Variants in MYLK4 observed in about 807,000 individuals in gnomAD.
MYLK4 encodes myosin light chain kinase family member 4.
MYLK4 carries 46 observed loss-of-function variants against 48.1 expected under a neutral mutation model. The ratio of observed to expected loss-of-function variants is 0.96; its 90% CI spans 0.75 to 1.22. The LOEUF is 1.22. MYLK4 is among the 50% of genes most tolerant of loss of function. MYLK4 has a pLI of 0.00. For missense variants in MYLK4, 451 were observed against 486.1 expected (o/e 0.93, Z 0.68); for synonymous variants, 170 against 180.8 (o/e 0.94, Z 0.48).
intron 12 of MYLK4, among the ~76,000 whole-genome samples, chr6:2,669,459 C>T (rs926459726): frequency 1.1e-4 from 17 of 152,240 alleles, no homozygotes; most frequent in African/African-American, 3.1e-4. Flanking sequence ...GCAGCAGGCC[C>T]GCCTTGGAAT....
chr6:2,718,663 A>T (rs1449316105), intron 2 of MYLK4, among the ~76,000 whole-genome samples: 1 of 152,198 alleles, frequency 6.6e-6, no homozygotes, highest in African/African-American at 2.4e-5. Flanking sequence ...TTTATGTATA[A>T]TATTTAATCC....
rs1441666195 is a variant in MYLK4, at chr6:2,667,011, C to T, written c.*914G>A. ...TTGAATGTTATTTCCCAAGTCACTT[C>T]AATGTTGAAAGCTCAGTGCTATCTT... On this transcript the variant is annotated 3_prime_UTR_variant, in exon 13 of 13. Transcript: ENST00000274643. The T allele has an allele frequency of 6.6e-6, 1 of 152,236 alleles. No homozygotes were observed. The highest frequency in any genetic ancestry group is 1.5e-5 in the Non-Finnish European group (1 of 68,062). The allele number at this position is 152,236 out of a possible 1,614,324, so 9.4% of individuals were successfully genotyped here.
chr6:2,675,613 T>A (rs946017112), intron 10 of MYLK4, among the ~76,000 whole-genome samples: 3 of 152,304 alleles, frequency 2.0e-5, no homozygotes, highest in Admixed American at 2.0e-4. Flanking sequence ...GATGTAATTA[T>A]TAAGAGAGGG....
the MYLK4 span, chr6:2,765,584 C>G: frequency 6.9e-7 from 1 of 1,453,920 alleles, no homozygotes; most frequent in Non-Finnish European, 9.0e-7. Context: ...GCACGGGTTG[C>G]TGCGGCCGCG....
intron 2 of MYLK4, among the ~76,000 whole-genome samples, chr6:2,730,289 G>T (rs1458578685): frequency 6.6e-6 from 1 of 152,226 alleles, no homozygotes; most frequent in Non-Finnish European, 1.5e-5. Flanking sequence ...CCCCAAGGGA[G>T]CCCCTCTTTT....
chr6:2,746,985 A>G (rs558661690), intron 2 of MYLK4, among the ~76,000 whole-genome samples: 62 of 152,332 alleles, frequency 4.1e-4, no homozygotes, highest in African/African-American at 1.5e-3. Context: ...ACATGCACCT[A>G]TCCATTCTCC....
intron 11 of MYLK4, among the ~76,000 whole-genome samples, chr6:2,674,234 CTCAG>C (rs1194147750): frequency 6.6e-6 from 1 of 152,202 alleles, no homozygotes; most frequent in African/African-American, 2.4e-5. Context: ...ATTCACAATA[CTCAG>C]TCTGTAGTCT....
chr6:2,675,271 G>A, intron 10 of MYLK4, 146 bp from the exon 11 acceptor site: 1 of 662,288 alleles, frequency 1.5e-6, no homozygotes, highest in South Asian at 1.7e-5. Flanking sequence ...CTTGAATTGT[G>A]TGCTATCAAT....
chr6:2,761,115 G>A, the MYLK4 span, among the ~76,000 whole-genome samples: 1 of 152,074 alleles, frequency 6.6e-6, no homozygotes, highest in African/African-American at 2.4e-5. Flanking sequence ...CTGCTCATAG[G>A]CACTGCAGCC....
chr6:2,725,097 G>T (rs1396501976), intron 2 of MYLK4, among the ~76,000 whole-genome samples: 7 of 152,184 alleles, frequency 4.6e-5, no homozygotes, highest in Non-Finnish European at 1.0e-4. Flanking sequence ...GTGGCAGTGA[G>T]CCGAGATAGC....
chr6:2,765,763 C>G, the MYLK4 span: 26 of 1,473,212 alleles, frequency 1.8e-5, no homozygotes, highest in Non-Finnish European at 2.2e-5. Flanking sequence ...CGGCGGGGCA[C>G]GCGGAGCCCG....
rs935295636 is a variant in MYLK4 at position 2,672,059 on chromosome 6, G to T, written c.1120-711C>A. The stretch of plus-strand genomic sequence containing the variant: ...GATAGATTAGGGAAGAGGGTGAGTA[G>T]AGGTTGGATATCAGCTCATGGGTTG... On this transcript the variant is annotated intron_variant, in intron 11 of 12. Transcript: ENST00000274643. The surrounding 1 kb of genome is among the most constrained non-coding windows in gnomAD (Gnocchi z 4.3). 1.3e-5 allele frequency among the ~76,000 whole-genome samples: 2 copies of T among 152,202 alleles called. No individual in the cohort carries two copies. Among genetic ancestry groups the T allele is most frequent in the African/African-American group, 4.8e-5 (2 of 41,450 alleles).
At chr6:2,711,567 A>G (rs1180727513) in intron 2 of MYLK4, among the ~76,000 whole-genome samples, 3 of 152,220 alleles carry the variant, frequency 2.0e-5, no homozygotes, top group Admixed American at 6.5e-5. Flanking sequence ...TTGCACTACT[A>G]TGACATAGGA....
chr6:2,734,239 C>T (rs1364864915), intron 2 of MYLK4, among the ~76,000 whole-genome samples: 3 of 152,312 alleles, frequency 2.0e-5, no homozygotes, highest in South Asian at 2.1e-4. Flanking sequence ...AGCACATATG[C>T]GGCTTTCGCT....
intron 6 of MYLK4, among the ~76,000 whole-genome samples, chr6:2,684,641 C>T (rs1224920598): frequency 6.6e-6 from 1 of 151,862 alleles, no homozygotes; most frequent in African/African-American, 2.4e-5. Context: ...AAAAATAATA[C>T]AAATTTTTAA....
intron 2 of MYLK4, among the ~76,000 whole-genome samples, chr6:2,725,949 G>A (rs909852665): frequency 6.6e-6 from 1 of 152,192 alleles, no homozygotes; most frequent in Non-Finnish European, 1.5e-5. Context: ...GCTCTAGCAC[G>A]GAACAAGCTC....
chr6:2,765,763 C>A, the MYLK4 span: 2 of 1,473,104 alleles, frequency 1.4e-6, no homozygotes, highest in East Asian at 3.0e-5. Context: ...CGGCGGGGCA[C>A]GCGGAGCCCG....
chr6:2,679,195 A>G (rs1561833203), intron 9 of MYLK4, 85 bp downstream of exon 9: 2 of 1,513,970 alleles, frequency 1.3e-6, no homozygotes, highest in African/African-American at 1.4e-5. Context: ...AAATACCCCA[A>G]TTGGGGCTTT....
At chr6:2,767,806 C>T in the MYLK4 span, among the ~76,000 whole-genome samples, 1 of 152,178 alleles carries the variant, frequency 6.6e-6, no homozygotes, top group East Asian at 1.9e-4. Context: ...GTCCAGGCTG[C>T]TCAGTGAGAT....
Sources: allele counts gnomAD v4.1 joint callset (sites outside exome capture counted in the v4.1 genomes callset), GRCh38; gene constraint gnomAD v4.1.1; non-coding constraint Gnocchi (gnomAD v3.1); transcripts MANE v1.5; gene names NCBI Gene and HGNC (gene_info 2026-07-23, HGNC 2026-07-21).